Variants in AIMP1 observed in about 807,000 individuals in gnomAD.
AIMP1 encodes aminoacyl tRNA synthase complex-interacting multifunctional protein 1.
In AIMP1, 24 loss-of-function variants were observed where a neutral mutation model predicts 33.1. The observed-to-expected ratio is 0.73, with a 90% CI of 0.53 to 1.02. The LOEUF (loss-of-function observed/expected upper bound fraction) is 1.02. Among genes scored for constraint, AIMP1 ranks in the 50% least tolerant of loss-of-function variants. The pLI is 0.00. For missense variants in AIMP1, 367 were observed against 364.8 expected (o/e 1.01, Z -0.05); for synonymous variants, 120 against 121.5 (o/e 0.99, Z 0.08).
chr4:106,332,518 C>T (rs918649164), intron 5 of AIMP1, among the ~76,000 whole-genome samples: 10 of 151,074 alleles, frequency 6.6e-5, no homozygotes, highest in Non-Finnish European at 1.5e-4. Context: ...TATTTTATTT[C>T]TTACTATATA....
At chr4:106,319,705 T>C (rs1769126417) in intron 1 of AIMP1, among the ~76,000 whole-genome samples, 1 of 152,232 alleles carries the variant, frequency 6.6e-6, no homozygotes, top group African/African-American at 2.4e-5. Flanking sequence ...GTCATTCTTA[T>C]ATCTATTTTA....
chr4:106,331,611 T>G, intron 4 of AIMP1, 61 bp from the exon 5 acceptor site: 1 of 1,468,622 alleles, frequency 6.8e-7, no homozygotes. Flanking sequence ...CATGGAGTTT[T>G]CATAGTGTTT....
At chr4:106,327,111 CTTAAG>C (rs1386905427) in intron 2 of AIMP1, among the ~76,000 whole-genome samples, 2 of 152,148 alleles carry the variant, frequency 1.3e-5, no homozygotes, top group Admixed American at 1.3e-4. Flanking sequence ...GTGCCAGCTT[CTTAAG>C]TTATTTGCCA....
At chr4:106,322,348 C>T (rs556143389) in intron 1 of AIMP1, among the ~76,000 whole-genome samples, 1 of 151,906 alleles carries the variant, frequency 6.6e-6, no homozygotes, top group Non-Finnish European at 1.5e-5. Context: ...GTCACACAGT[C>T]TAAGTATATA....
intron 5 of AIMP1, among the ~76,000 whole-genome samples, chr4:106,335,328 A>G (rs769989309): frequency 1.3e-5 from 2 of 152,160 alleles, no homozygotes; most frequent in African/African-American, 2.4e-5. Flanking sequence ...TTCTGTTCTT[A>G]TAAGTTGTAG....
At chr4:106,339,108 G>A (rs1054012474) in intron 6 of AIMP1, among the ~76,000 whole-genome samples, 1 of 152,200 alleles carries the variant, frequency 6.6e-6, no homozygotes, top group Non-Finnish European at 1.5e-5. Flanking sequence ...ACTTGCTTTT[G>A]ATTTTATGGC....
intron 1 of AIMP1, among the ~76,000 whole-genome samples, chr4:106,317,535 A>G (rs1373551273): frequency 1.3e-5 from 2 of 152,234 alleles, no homozygotes; most frequent in East Asian, 3.9e-4. Context: ...AGAGTTTTGC[A>G]ATAATCCAGA....
rs1768910040 is a variant in AIMP1, at chr4:106,316,570, C to A, written c.-50C>A. 6.4e-7 allele frequency: 1 copy of A among 1,551,602 alleles called. No individual in the cohort carries two copies. The highest frequency in any genetic ancestry group is 2.4e-5 in the East Asian group (1 of 40,902). On this transcript the variant is annotated 5_prime_UTR_variant, in exon 1 of 7. Coordinates refer to ENST00000672341, the MANE Select transcript of AIMP1 (RefSeq NM_001142416.2). ...TACATGCTTCCTGCTGTGGCTGTCT[C>A]GGAACCCGTGGTCCTCCGCTTCATG...
At chr4:106,326,890 A>G (rs1204360722) in intron 2 of AIMP1, among the ~76,000 whole-genome samples, 1 of 151,992 alleles carries the variant, frequency 6.6e-6, no homozygotes, top group Non-Finnish European at 1.5e-5. Flanking sequence ...CAGTCCTCCC[A>G]CCTCAGCCTC....
rs1439631767 is a variant in AIMP1 at position 106,331,882 on chromosome 4, A to G, written c.602A>G (p.Gln201Arg). The G allele has an allele frequency of 6.2e-7, 1 of 1,613,768 alleles. No homozygotes were observed. ...CTGGTGAATCATGTTCCTCTTGAAC[A>G]GGTAATCTGTACAACTGAAATTCCT... ...SGLVNHVPLEQMQNRMVILLC... is the reference protein window; with the variant it reads ...SGLVNHVPLERMQNRMVILLC... The change falls in exon 5 of 7, where the codon CAG becomes CGG. Residue 201 changes from glutamine (Q) to arginine (R), a missense_variant and splice_region_variant. Physicochemically the swap from Gln to Arg is conservative, Grantham distance 43. Transcript: ENST00000672341.
At position 106,337,063 on chromosome 4, in the gene AIMP1, A is replaced by G. The variant is rs1014931735; in HGVS notation, c.772+26A>G. The G allele has an allele frequency of 1.3e-5, 20 of 1,598,098 alleles. 1 individual carries two copies. The Admixed American group carries it at 2.5e-4, about 20-fold the overall frequency. On this transcript the variant is annotated intron_variant, in intron 6 of 6. Transcript: ENST00000672341. ...GTAGGTATTTATTAGTAATTACTTA[A>G]TAGTTTCGGAATCAGTTCTCAAAGT...
Position 106,322,983 on chromosome 4 carries a change from C to CA in AIMP1, c.-25-1985dup, listed in dbSNP as rs201904801. The stretch of plus-strand genomic sequence containing the variant: ...TGGGTGAAAAAGGAAGACTCTGTCT[C>CA]AAAAAAAAAAAAAAAAAGTTTTATC... On this transcript the variant is annotated intron_variant, in intron 1 of 6. Transcript: ENST00000672341. Among the ~76,000 whole-genome samples the CA allele has an allele frequency of 8.5e-3, 813 of 95,778 alleles. 8 individuals are homozygous for CA. Among genetic ancestry groups the CA allele is most frequent in the African/African-American group, 0.02 (519 of 26,222 alleles). The allele number at this position is 95,778 out of a possible 152,430, so 62.8% of individuals were successfully genotyped here.
In AIMP1 at chr4:106,348,278, A is replaced by T. The variant is rs1041523522; in HGVS notation, c.*586A>T. The T allele has an allele frequency of 6.6e-6, 1 of 152,152 alleles. No homozygotes were observed. The highest frequency in any genetic ancestry group is 1.5e-5 in the Non-Finnish European group (1 of 68,044). The allele number at this position is 152,152 out of a possible 1,614,324, so 9.4% of individuals were successfully genotyped here. On this transcript the variant is annotated 3_prime_UTR_variant, in exon 7 of 7. Transcript: ENST00000672341. ...ATAATACAATAACAGCAATTTTTTT[A>T]AAAAACTGAGATTTCCTACTGGCTT...
Position 106,347,848 on chromosome 4 carries a change from T to C in AIMP1, c.*156T>C, listed in dbSNP as rs1770363964. 2 of 699,172 alleles carry C rather than the reference T, an allele frequency of 2.9e-6. No individual in the cohort carries two copies. Among genetic ancestry groups the C allele is most frequent in the Admixed American group, 3.4e-5 (1 of 29,464 alleles). The allele number at this position is 699,172 out of a possible 1,614,324, so 43.3% of individuals were successfully genotyped here. On this transcript the variant is annotated 3_prime_UTR_variant, in exon 7 of 7. Coordinates refer to ENST00000672341, the MANE Select transcript of AIMP1 (RefSeq NM_001142416.2). ...ACTTGGTATATATTGTTTTCATTGA[T>C]TGGGGAAACACTAGATTTTTACCTC...
Position 106,327,562 on chromosome 4 carries a change from G to A in AIMP1, c.221G>A (p.Gly74Glu), listed in dbSNP as rs1337379621. 6.2e-7 allele frequency: 1 copy of A among 1,605,396 alleles called. No homozygotes were observed. The highest frequency in any genetic ancestry group is 8.5e-7 in the Non-Finnish European group (1 of 1,173,116). The part of the protein sequence containing the change: ...QELIQAEIQN[G>E]VKQIPFPSGT... ...CTAATTCAGGCAGAAATTCAAAATG[G>A]AGGTAATTAAATATAGAAAATTTGA... Residue 74 changes from glycine to glutamate, a missense_variant and splice_region_variant, in exon 3 of 7, where the codon GGA becomes GAA. Transcript: ENST00000672341.
chr4:106,337,585 C>T (rs1467420770), intron 6 of AIMP1, among the ~76,000 whole-genome samples: 6 of 152,074 alleles, frequency 3.9e-5, no homozygotes, highest in South Asian at 2.1e-4. Flanking sequence ...TACCCAGCCT[C>T]GAGTATATCT....
chr4:106,324,460 CATT>C (rs937966971), intron 1 of AIMP1, among the ~76,000 whole-genome samples: 1 of 151,966 alleles, frequency 6.6e-6, no homozygotes, highest in Non-Finnish European at 1.5e-5. Context: ...TATATACTGA[CATT>C]ATATCTGAAC....
chr4:106,337,683 C>G (rs1465754657), intron 6 of AIMP1, among the ~76,000 whole-genome samples: 1 of 152,054 alleles, frequency 6.6e-6, no homozygotes, highest in Non-Finnish European at 1.5e-5. Context: ...AGTGTGGAAG[C>G]GACTTTGGAA....
intron 5 of AIMP1, among the ~76,000 whole-genome samples, chr4:106,334,547 G>A (rs571538807): frequency 6.6e-6 from 1 of 152,164 alleles, no homozygotes; most frequent in East Asian, 1.9e-4. Context: ...TTACAGGTGT[G>A]AGCCACCACA....
Sources: allele counts gnomAD v4.1 joint callset (sites outside exome capture counted in the v4.1 genomes callset), GRCh38; gene constraint gnomAD v4.1.1; transcripts MANE v1.5; gene names NCBI Gene and HGNC (gene_info 2026-07-23, HGNC 2026-07-21).